Variants in RPTOR observed in about 807,000 individuals in gnomAD.
RPTOR encodes the protein regulatory-associated protein of mTOR.
A neutral mutation model predicts 169.9 loss-of-function variants in RPTOR; 21 were observed. The ratio of observed to expected loss-of-function variants is 0.12; its 90% CI spans 0.09 to 0.18. The LOEUF is 0.18. RPTOR is among the 10% of genes least tolerant of loss of function. RPTOR has a pLI of 1.00. For synonymous variants in RPTOR, 732 were observed against 753.2 expected, an observed-to-expected ratio of 0.97 and a Z score of 0.46; for missense variants, 1,133 against 1,855.9, an observed-to-expected ratio of 0.61 and a Z score of 7.16.
intron 1 of RPTOR, among the ~76,000 whole-genome samples, chr17:80,617,846 T>G (rs1310794634): frequency 1.3e-5 from 2 of 152,144 alleles, no homozygotes; most frequent in Non-Finnish European, 2.9e-5. Context: ...AAGCGGTTCA[T>G]TTAGAGACCC....
chr17:80,585,576 T>C (rs927397459), intron 1 of RPTOR, among the ~76,000 whole-genome samples: 2 of 152,212 alleles, frequency 1.3e-5, no homozygotes, highest in African/African-American at 4.8e-5. Flanking sequence ...CCCTGGGTCC[T>C]ACAGCCCCGG....
At chr17:80,667,865 G>A (rs1030613502) in intron 3 of RPTOR, among the ~76,000 whole-genome samples, 24 of 152,298 alleles carry the variant, frequency 1.6e-4, no homozygotes, top group African/African-American at 5.1e-4. Context: ...GGTTCCCACC[G>A]GCAGCCTGGC....
At position 80,570,147 on chromosome 17, in the gene RPTOR, C is replaced by A. The variant is rs191553886; in HGVS notation, c.162+24356C>A. ...AGTGACTGTCACGGTCTGCATGGGC[C>A]CCTGTCTCCATGCAGAAAGCTCCTG... On this transcript the variant is annotated intron_variant, in intron 1 of 33. Coordinates refer to ENST00000306801, the MANE Select transcript of RPTOR (RefSeq NM_020761.3). Among the ~76,000 whole-genome samples the A allele has an allele frequency of 4.1e-3, 627 of 152,196 alleles. 5 individuals are homozygous for A. Among genetic ancestry groups the A allele is most frequent in the African/African-American group, 0.014 (594 of 41,544 alleles).
At chr17:80,584,542 T>G (rs1370288635) in intron 1 of RPTOR, among the ~76,000 whole-genome samples, 1 of 151,360 alleles carries the variant, frequency 6.6e-6, no homozygotes, top group Non-Finnish European at 1.5e-5. Flanking sequence ...CTGCCAGGAG[T>G]GCGATTTTTC....
At chr17:80,649,948 G>T (rs1427561786) in intron 3 of RPTOR, among the ~76,000 whole-genome samples, 1 of 152,200 alleles carries the variant, frequency 6.6e-6, no homozygotes, top group Admixed American at 6.5e-5. Flanking sequence ...CAGCTTCCTG[G>T]AAGCAAGCTT....
intron 10 of RPTOR, 21 bp downstream of exon 10, chr17:80,838,018 CCT>C: frequency 6.3e-7 from 1 of 1,596,626 alleles, no homozygotes; most frequent in Non-Finnish European, 8.5e-7. Context: ...CCAAGGGCAC[CCT>C]GTGCATCCGC....
chr17:80,557,579 A>G (rs2084426403), intron 1 of RPTOR, among the ~76,000 whole-genome samples: 1 of 152,200 alleles, frequency 6.6e-6, no homozygotes, highest in South Asian at 2.1e-4. Context: ...TTGGTCATCT[A>G]CAATACTTGT....
At chr17:80,812,914 C>T (rs1171849788) in intron 7 of RPTOR, among the ~76,000 whole-genome samples, 1 of 152,198 alleles carries the variant, frequency 6.6e-6, no homozygotes. Flanking sequence ...AGTGGCTGCA[C>T]GTGAGGGTCC....
At position 80,665,506 on chromosome 17, in the gene RPTOR, G is replaced by GTCCTT. The variant is rs1327653567; in HGVS notation, c.348+21710_348+21714dup. ...TCCTTTCCTTTCCTTTCCTTTCCAT[G>GTCCTT]TCCTTTCCTTTCCTTTCCATGTCCT... On this transcript the variant is annotated intron_variant, in intron 3 of 33. Coordinates refer to ENST00000306801, the MANE Select transcript of RPTOR (RefSeq NM_020761.3). Among the ~76,000 whole-genome samples, 7 of 18,118 alleles carry GTCCTT rather than the reference G, an allele frequency of 3.9e-4. 1 individual carries two copies. The highest frequency in any genetic ancestry group is 3.6e-3 in the South Asian group (3 of 836). The allele number at this position is 18,118 out of a possible 152,430, so 11.9% of individuals were successfully genotyped here.
At position 80,918,875 on chromosome 17, in the gene RPTOR, C is replaced by T. The variant is rs375224796; in HGVS notation, c.2521-3849C>T. Among the ~76,000 whole-genome samples, 5 of 152,128 alleles carry T rather than the reference C, an allele frequency of 3.3e-5. No homozygotes were observed. In the East Asian group the frequency reaches 9.6e-4, roughly 29 times the overall value. On this transcript the variant is annotated intron_variant, in intron 21 of 33. Coordinates refer to ENST00000306801, the MANE Select transcript of RPTOR (RefSeq NM_020761.3). ...CAGGTGCAGAGAGGGCTCCACACAGCCAGCTGCATCATCAGCACTCATGTC... is the reference window on the plus strand; with the variant it reads ...CAGGTGCAGAGAGGGCTCCACACAGTCAGCTGCATCATCAGCACTCATGTC...
chr17:80,863,103 C>T (rs111838149), intron 13 of RPTOR, among the ~76,000 whole-genome samples: 19 of 152,234 alleles, frequency 1.2e-4, no homozygotes, highest in Middle Eastern at 3.4e-3. Flanking sequence ...TGGGCTCGGG[C>T]GGAAGAAAAG....
intron 3 of RPTOR, among the ~76,000 whole-genome samples, chr17:80,652,026 T>TG (rs2065644245): frequency 6.9e-6 from 1 of 145,160 alleles, no homozygotes; most frequent in Admixed American, 6.8e-5. Context: ...AAAAATTAGC[T>TG]GGGCGTGGTG....
intron 7 of RPTOR, among the ~76,000 whole-genome samples, chr17:80,819,740 G>A (rs1316460770): frequency 1.3e-5 from 2 of 152,208 alleles, no homozygotes; most frequent in Non-Finnish European, 2.9e-5. Context: ...GCCTTAGAAT[G>A]GGGGCTCTGC....
chr17:80,546,772 G>T (rs1420805826), intron 1 of RPTOR, among the ~76,000 whole-genome samples: 1 of 151,898 alleles, frequency 6.6e-6, no homozygotes, highest in African/African-American at 2.4e-5. Flanking sequence ...TACACTTCTG[G>T]GCTGGGCGCG....
At chr17:80,838,096 T>C in intron 10 of RPTOR, 99 bp downstream of exon 10, 1 of 942,834 alleles carries the variant, frequency 1.1e-6, no homozygotes, top group Non-Finnish European at 1.6e-6. Context: ...TGCCCAGGAC[T>C]CTCGGGTGTC....
chr17:80,835,044 G>T (rs1247600735), intron 9 of RPTOR, among the ~76,000 whole-genome samples: 2 of 152,176 alleles, frequency 1.3e-5, no homozygotes, highest in African/African-American at 4.8e-5. Flanking sequence ...AATACCATTT[G>T]CCTGCAGCTG....
rs150790246 is a variant in RPTOR, at chr17:80,885,100, C to T, written c.1935C>T (p.Ala645=). The change falls in exon 17 of 34, where the codon GCC becomes GCT. Residue 645 remains alanine, a synonymous_variant. Coordinates refer to ENST00000306801, the MANE Select transcript of RPTOR (RefSeq NM_020761.3). The part of the protein sequence containing the change: ...DHSTTIDHNV[A]MMLAQLVSDG... ...CCACCACCATCGACCACAACGTGGC[C>T]ATGATGCTGGCCCAGCTGGTCAGCG... The T allele has an allele frequency of 1.1e-4, 167 of 1,587,442 alleles. No homozygotes were observed. The highest frequency in any genetic ancestry group is 1.3e-4 in the Non-Finnish European group (152 of 1,167,776).
intron 7 of RPTOR, among the ~76,000 whole-genome samples, chr17:80,807,510 C>T (rs2067230721): frequency 6.6e-6 from 1 of 152,170 alleles, no homozygotes; most frequent in South Asian, 2.1e-4. Context: ...ACCACCACAC[C>T]TGGCTAATTT....
chr17:80,905,814 G>A (rs1191910690), intron 20 of RPTOR, among the ~76,000 whole-genome samples: 1 of 152,150 alleles, frequency 6.6e-6, no homozygotes, highest in Non-Finnish European at 1.5e-5. Context: ...GCCGGGAGTG[G>A]GGGGCCTCCT....
Sources: allele counts gnomAD v4.1 joint callset (sites outside exome capture counted in the v4.1 genomes callset), GRCh38; gene constraint gnomAD v4.1.1; transcripts MANE v1.5; gene names NCBI Gene and HGNC (gene_info 2026-07-23, HGNC 2026-07-21).